Variants in NPC1 observed in about 807,000 individuals in gnomAD.
NPC1 encodes the protein Niemann-Pick C1 protein.
In NPC1, 85 loss-of-function variants were observed where a neutral mutation model predicts 140.4. The ratio of observed to expected loss-of-function variants is 0.61; its 90% CI spans 0.51 to 0.72. NPC1 has a LOEUF of 0.72. Ranked by LOEUF, NPC1 falls within the 30% of genes least tolerant of loss-of-function variation. The pLI is 0.00. For synonymous variants in NPC1, 656 were observed against 624.8 expected (o/e 1.05, Z -0.74); for missense variants, 1,504 against 1,623.8 (o/e 0.93, Z 1.27).
At chr18:23,577,989 C>G (rs950587385) in intron 1 of NPC1, among the ~76,000 whole-genome samples, 6 of 152,236 alleles carry the variant, frequency 3.9e-5, no homozygotes, top group Non-Finnish European at 8.8e-5. Context: ...CCGCACACAG[C>G]CCCGGTTCCT....
intron 4 of NPC1, among the ~76,000 whole-genome samples, chr18:23,563,340 A>G (rs913563380): frequency 3.3e-5 from 5 of 152,314 alleles, no homozygotes; most frequent in East Asian, 3.9e-4. Flanking sequence ...GCATTTGTGT[A>G]TAAGTTTTTG....
At chr18:23,535,741 C>T in intron 21 of NPC1, 41 bp from the exon 22 acceptor site, 1 of 1,278,230 alleles carries the variant, frequency 7.8e-7, no homozygotes, top group Non-Finnish European at 1.1e-6. Flanking sequence ...CTCGCTCTCA[C>T]TCCCGAACAC....
At chr18:23,549,058 G>A (rs1168281119) in intron 10 of NPC1, among the ~76,000 whole-genome samples, 1 of 151,644 alleles carries the variant, frequency 6.6e-6, no homozygotes, top group Non-Finnish European at 1.5e-5. Flanking sequence ...CAAAGTGCTG[G>A]GATTATAGGC....
At chr18:23,548,684 T>C (rs2058824508) in intron 10 of NPC1, among the ~76,000 whole-genome samples, 1 of 152,344 alleles carries the variant, frequency 6.6e-6, no homozygotes, top group African/African-American at 2.4e-5. Context: ...CCCCAACTGA[T>C]GAGTAGTTTT....
At chr18:23,543,332 GAAAAAAAA>G in intron 14 of NPC1, 115 bp downstream of exon 14, 2 of 421,358 alleles carry the variant, frequency 4.7e-6, no homozygotes, top group Non-Finnish European at 8.2e-6. Flanking sequence ...CCGTCTCAGA[GAAAAAAAA>G]AAAAAAGAAA....
At chr18:23,568,061 G>A (rs1165772778) in intron 4 of NPC1, among the ~76,000 whole-genome samples, 1 of 151,968 alleles carries the variant, frequency 6.6e-6, no homozygotes. Context: ...CTACACAATT[G>A]ATTTTTTTAT....
intron 11 of NPC1, 39 bp downstream of exon 11, chr18:23,547,967 A>G (rs1183346040): frequency 2.6e-6 from 3 of 1,172,320 alleles, no homozygotes; most frequent in South Asian, 1.2e-5. Context: ...AGCTTCCCAC[A>G]ATGCAAGGAC....
At chr18:23,535,246 C>T (rs2058610237) in intron 22 of NPC1, among the ~76,000 whole-genome samples, 1 of 152,122 alleles carries the variant, frequency 6.6e-6, no homozygotes, top group African/African-American at 2.4e-5. Context: ...CTGTAATGTG[C>T]CTATGCTCCC....
intron 1 of NPC1, among the ~76,000 whole-genome samples, chr18:23,574,233 G>A (rs529794515): frequency 3.3e-5 from 5 of 152,242 alleles, no homozygotes; most frequent in South Asian, 4.2e-4. Flanking sequence ...AAAATTCAGC[G>A]GAGGGGAGGG....
intron 13 of NPC1, 68 bp downstream of exon 13, chr18:23,544,276 C>A: frequency 6.8e-7 from 1 of 1,466,922 alleles, no homozygotes; most frequent in South Asian, 1.2e-5. Context: ...GAATGCGGAG[C>A]CCAGGAGCCA....
chr18:23,531,318 TATACAAC>T, downstream of NPC1: 1 of 282,502 alleles, frequency 3.5e-6, no homozygotes, highest in Non-Finnish European at 6.4e-6. Context: ...TCCAAATAGT[TATACAAC>T]CTAAGACATC....
chr18:23,556,260 T>A lies in NPC1; in HGVS notation c.1309A>T (p.Ile437Leu). The A allele has an allele frequency of 6.2e-7, 1 of 1,614,148 alleles. No individual in the cohort carries two copies. Among genetic ancestry groups the A allele is most frequent in the South Asian group, 1.1e-5 (1 of 91,070 alleles). The change falls in exon 8 of 25, where the codon ATA becomes TTA. Residue 437 changes from isoleucine (I) to leucine (L), a missense_variant. By Grantham distance (5) the Ile-to-Leu change is conservative (BLOSUM62 2). Coordinates refer to ENST00000269228, the MANE Select transcript of NPC1 (RefSeq NM_000271.5). ...CAGGTTACCTGGTGCAGTATCTGTA[T>A]GTCAAGCGGAGGTCCAAAGGGTACA... Reference protein sequence around the residue: ...ADVPFGPPLDIQILHQVLDLQ... With the variant: ...ADVPFGPPLDLQILHQVLDLQ...
chr18:23,515,268 A>G (rs2057969233), intron 3 of NPC1, among the ~76,000 whole-genome samples: 2 of 152,226 alleles, frequency 1.3e-5, no homozygotes, highest in Admixed American at 6.5e-5. Flanking sequence ...TACCCAGGCT[A>G]TAATTGCTTT....
chr18:23,511,477 TAAAAC>T (rs566670715), intron 3 of NPC1, among the ~76,000 whole-genome samples: 221 of 152,228 alleles, frequency 1.5e-3, no homozygotes, highest in Non-Finnish European at 2.6e-3. Flanking sequence ...ACCTAAAAGT[TAAAAC>T]AAAAAACATT....
At chr18:23,528,849 C>T (rs917408468), downstream of NPC1, 2 of 195,908 alleles carry the variant, frequency 1.0e-5, no homozygotes, top group Non-Finnish European at 1.0e-5. Context: ...GGCTACACCC[C>T]ACAGCTATTG....
In NPC1 at chr18:23,560,189, A is replaced by G. The variant is rs370621991; in HGVS notation, c.881+42T>C. 2.5e-5 allele frequency: 41 copies of G among 1,613,244 alleles called. No individual in the cohort carries two copies. In the African/African-American group the frequency reaches 5.2e-4, roughly 20 times the overall value. ...TGAAAGCTCAAAGTGCCAGTGGGCA[A>G]TTTTGCTCTTTTTGCCCTGGATGAC... On this transcript the variant is annotated intron_variant, in intron 6 of 24. Coordinates refer to ENST00000269228, the MANE Select transcript of NPC1 (RefSeq NM_000271.5).
rs55687823 is a variant in NPC1, at chr18:23,548,191, C to T, written c.1655-83G>A. 642 of 816,730 alleles carry T rather than the reference C, an allele frequency of 7.9e-4. 2 individuals carry two copies. The African/African-American group carries it at 9.5e-3, about 12-fold the overall frequency. 50.6% of individuals were successfully genotyped at this position (816,730 alleles called of 1,614,324 possible). On this transcript the variant is annotated intron_variant, in intron 10 of 24. Coordinates refer to ENST00000269228, the MANE Select transcript of NPC1 (RefSeq NM_000271.5). ...ACATACCAGGGGAAAAATCACAACA[C>T]AGATTTCTCACTGGAGCTATGGACT...
At chr18:23,546,938 G>A (rs1014151712) in intron 11 of NPC1, among the ~76,000 whole-genome samples, 4 of 152,112 alleles carry the variant, frequency 2.6e-5, no homozygotes, top group Admixed American at 1.3e-4. Flanking sequence ...GCACATACAC[G>A]TGAATATAGT....
chr18:23,551,966 G>T (rs2058879393), intron 9 of NPC1, among the ~76,000 whole-genome samples: 1 of 152,216 alleles, frequency 6.6e-6, no homozygotes, highest in Admixed American at 6.5e-5. Context: ...ATGGCGCTAT[G>T]CAGGCACAGA....
Sources: allele counts gnomAD v4.1 joint callset (sites outside exome capture counted in the v4.1 genomes callset), GRCh38; gene constraint gnomAD v4.1.1; transcripts MANE v1.5; gene names NCBI Gene and HGNC (gene_info 2026-07-23, HGNC 2026-07-21).